COL24A1: variants seen among roughly 807,000 people sequenced by gnomAD.
The protein encoded by COL24A1 is collagen alpha-1(XXIV) chain.
In COL24A1, 224 loss-of-function variants were observed where a neutral mutation model predicts 253.9. The observed-to-expected ratio is 0.88, with a 90% CI of 0.79 to 0.99. COL24A1 has a LOEUF of 0.99. Ranked by LOEUF, COL24A1 falls within the 50% of genes least tolerant of loss-of-function variation. The pLI, the probability that COL24A1 is intolerant of heterozygous loss-of-function variation, is 0.00. For synonymous variants in COL24A1, 685 were observed against 673.7 expected (o/e 1.02, Z -0.26); for missense variants, 2,131 against 2,068.5 (o/e 1.03, Z -0.59).
chr1:86,132,109 T>C (rs906687278), intron 2 of COL24A1, among the ~76,000 whole-genome samples: 1 of 152,234 alleles, frequency 6.6e-6, no homozygotes, highest in Non-Finnish European at 1.5e-5. Flanking sequence ...ATTTCTCTGA[T>C]GGCCAGTGAT....
chr1:86,027,438 G>A lies in COL24A1; in HGVS notation c.2050-4431C>T, dbSNP rs546961454. On this transcript the variant is annotated intron_variant, in intron 14 of 59. Coordinates refer to ENST00000370571, the MANE Select transcript of COL24A1 (RefSeq NM_152890.7). ...GCTTTGTGCAGTCTCAGGACTTGGT[G>A]CCCTGAATCCCAGCTGTGGCTAAAA... Among the ~76,000 whole-genome samples the A allele has an allele frequency of 1.5e-4, 23 of 152,266 alleles. 1 individual carries two copies. In the South Asian group the frequency reaches 4.8e-3, roughly 32 times the overall value.
At chr1:85,974,089 T>G (rs992114263) in intron 20 of COL24A1, among the ~76,000 whole-genome samples, 4 of 152,122 alleles carry the variant, frequency 2.6e-5, no homozygotes, top group Non-Finnish European at 5.9e-5. Flanking sequence ...GTATAAAAAG[T>G]GAAAATTGAT....
At chr1:86,012,983 T>C (rs1696657281) in intron 19 of COL24A1, among the ~76,000 whole-genome samples, 1 of 152,010 alleles carries the variant, frequency 6.6e-6, no homozygotes, top group South Asian at 2.1e-4. Flanking sequence ...AGCTAATACA[T>C]ACTGAACATT....
intron 43 of COL24A1, among the ~76,000 whole-genome samples, chr1:85,829,650 C>T (rs1313439564): frequency 2.6e-5 from 4 of 151,970 alleles, no homozygotes; most frequent in Non-Finnish European, 5.9e-5. Flanking sequence ...CTAAACTTCC[C>T]TTCTCGCTTC....
intron 5 of COL24A1, among the ~76,000 whole-genome samples, chr1:86,108,894 C>T (rs959048139): frequency 9.2e-5 from 14 of 151,772 alleles, no homozygotes; most frequent in Non-Finnish European, 1.9e-4. Flanking sequence ...CCTAACTGTT[C>T]GCTACTGGCT....
At chr1:86,131,410 T>C (rs770300277) in intron 2 of COL24A1, among the ~76,000 whole-genome samples, 4 of 152,054 alleles carry the variant, frequency 2.6e-5, no homozygotes, top group Non-Finnish European at 5.9e-5. Flanking sequence ...ATGTGCACAA[T>C]GTGCAGGTTT....
chr1:85,731,434 A>C (rs1444964546), intron 59 of COL24A1, among the ~76,000 whole-genome samples: 1 of 152,218 alleles, frequency 6.6e-6, no homozygotes, highest in Non-Finnish European at 1.5e-5. Context: ...TTAAGCTATA[A>C]ATTTTATTTT....
chr1:86,111,757 C>T (rs1398230915), intron 5 of COL24A1, among the ~76,000 whole-genome samples: 1 of 152,044 alleles, frequency 6.6e-6, no homozygotes, highest in East Asian at 1.9e-4. Context: ...GCTTCATTCC[C>T]GAGGCCAGCG....
Position 86,151,801 on chromosome 1 carries a change from G to T in COL24A1, c.56+4540C>A, listed in dbSNP as rs531476601. On this transcript the variant is annotated intron_variant, in intron 1 of 59. Transcript: ENST00000370571. ...TAACTTATGTCTTCAGGCTACTGAT[G>T]CTCACTTCTACATAGATTCAATTTA... Among the ~76,000 whole-genome samples, 20 of 152,270 alleles carry T rather than the reference G, an allele frequency of 1.3e-4. 1 individual carries two copies. The highest frequency in any genetic ancestry group is 4.8e-4 in the African/African-American group (20 of 41,562).
chr1:85,907,065 A>C, intron 28 of COL24A1, 129 bp downstream of exon 28: 1 of 634,266 alleles, frequency 1.6e-6, no homozygotes. Context: ...AATATAATGA[A>C]AATAGAAAAA....
intron 32 of COL24A1, among the ~76,000 whole-genome samples, chr1:85,888,035 T>TG (rs1303545834): frequency 2.8e-5 from 4 of 143,900 alleles, no homozygotes; most frequent in Admixed American, 1.4e-4. Flanking sequence ...TACTTTTCCG[T>TG]GTTTTTTTTT....
intron 2 of COL24A1, among the ~76,000 whole-genome samples, chr1:86,136,988 C>A (rs12728141): frequency 7.3e-6 from 1 of 137,808 alleles, no homozygotes; most frequent in African/African-American, 2.9e-5. Flanking sequence ...AGGAGAACTG[C>A]AGACAAAAAA....
intron 19 of COL24A1, among the ~76,000 whole-genome samples, chr1:86,007,283 C>T (rs560043640): frequency 8.8e-4 from 134 of 152,230 alleles, no homozygotes; most frequent in African/African-American, 3.1e-3. Context: ...GGTGCCACTG[C>T]ACACTCACTA....
intron 24 of COL24A1, chr1:85,960,927 A>T (rs1226935045): frequency 6.0e-6 from 1 of 167,574 alleles, no homozygotes; most frequent in Non-Finnish European, 1.2e-5. Context: ...ATAAATAAAT[A>T]AAATAGTGAA....
intron 5 of COL24A1, among the ~76,000 whole-genome samples, chr1:86,112,233 G>A (rs973287330): frequency 4.6e-5 from 7 of 151,786 alleles, no homozygotes; most frequent in African/African-American, 1.7e-4. Flanking sequence ...AAATTAAAAC[G>A]ACCTTAATTT....
intron 34 of COL24A1, among the ~76,000 whole-genome samples, chr1:85,874,985 T>C (rs1374146435): frequency 6.6e-6 from 1 of 152,168 alleles, no homozygotes; most frequent in Non-Finnish European, 1.5e-5. Context: ...GCTCAGTCCT[T>C]ATGAGAATCT....
At chr1:85,814,322 A>G (rs952335722) in intron 47 of COL24A1, among the ~76,000 whole-genome samples, 3 of 152,216 alleles carry the variant, frequency 2.0e-5, no homozygotes, top group African/African-American at 7.2e-5. Flanking sequence ...CTAGCATGAC[A>G]GATTCTAGGA....
Position 85,970,219 on chromosome 1 carries a change from A to T in COL24A1, c.2463+8T>A. The stretch of plus-strand genomic sequence containing the variant: ...GCACTTATGGAAAATTATTTATATG[A>T]TACCTACTCTTGGCCCCAGTTCCCC... On this transcript the variant is annotated splice_region_variant and intron_variant, in intron 22 of 59. Coordinates refer to ENST00000370571, the MANE Select transcript of COL24A1 (RefSeq NM_152890.7). 6.3e-7 allele frequency: 1 copy of T among 1,581,884 alleles called. No individual in the cohort carries two copies. Among genetic ancestry groups the T allele is most frequent in the Non-Finnish European group, 8.6e-7 (1 of 1,165,866 alleles).
chr1:85,866,567 AG>A (rs1199302022), intron 37 of COL24A1, among the ~76,000 whole-genome samples: 1 of 152,042 alleles, frequency 6.6e-6, no homozygotes, highest in Non-Finnish European at 1.5e-5. Flanking sequence ...TGAGGTCAGG[AG>A]TTTGAGACCA....
Sources: gnomAD v4.1 joint callset for allele counts (sites outside exome capture counted in the v4.1 genomes callset) on GRCh38, gnomAD v4.1.1 for gene constraint, MANE v1.5 for transcripts, NCBI Gene and HGNC (gene_info 2026-07-23, HGNC 2026-07-21) for gene names.